MED12L: variants seen among roughly 807,000 people sequenced by gnomAD.
MED12L encodes mediator of RNA polymerase II transcription subunit 12-like protein.
MED12L carries 60 observed loss-of-function variants against 281.3 expected under a neutral mutation model. That is an observed-to-expected ratio of 0.21 (90% CI 0.17 to 0.26). The LOEUF (loss-of-function observed/expected upper bound fraction) is 0.26. Among genes scored for constraint, MED12L ranks in the 10% least tolerant of loss-of-function variants. The probability of loss-of-function intolerance (pLI) is 1.00; values close to 1 mark genes in which losing one functional copy is unlikely to be tolerated. For synonymous variants in MED12L, 974 were observed against 987.2 expected (o/e 0.99, Z 0.25); for missense variants, 2,146 against 2,680.9 (o/e 0.80, Z 4.41).
At chr3:151,386,173 C>T (rs1413256790) in intron 36 of MED12L, among the ~76,000 whole-genome samples, 1 of 152,080 alleles carries the variant, frequency 6.6e-6, no homozygotes, top group East Asian at 1.9e-4. Context: ...TTAGAGTAGC[C>T]TGAGAATCTA....
At chr3:151,422,276 A>T (rs1718336093) in intron 43 of MED12L, among the ~76,000 whole-genome samples, 1 of 152,200 alleles carries the variant, frequency 6.6e-6, no homozygotes, top group Non-Finnish European at 1.5e-5. Flanking sequence ...TCCCTAACAA[A>T]GTACGCAAAC....
At chr3:151,293,134 T>G (rs1313237397) in intron 16 of MED12L, among the ~76,000 whole-genome samples, 1 of 152,184 alleles carries the variant, frequency 6.6e-6, no homozygotes, top group Non-Finnish European at 1.5e-5. Flanking sequence ...CACTAGACAC[T>G]TAGAGTAAGA....
At chr3:151,389,609 A>T (rs1713917539) in intron 37 of MED12L, among the ~76,000 whole-genome samples, 1 of 152,166 alleles carries the variant, frequency 6.6e-6, no homozygotes, top group Non-Finnish European at 1.5e-5. Flanking sequence ...CAGACCCAAG[A>T]TATTGGAAAG....
At chr3:151,389,954 CT>C (rs752165790) in intron 37 of MED12L, 24 bp from the exon 38 acceptor site, 3 of 1,612,150 alleles carry the variant, frequency 1.9e-6, no homozygotes, top group Non-Finnish European at 1.7e-6. Flanking sequence ...AGTTACGTAA[CT>C]TTTTAAAAAA....
chr3:151,134,271 G>A (rs529508380), intron 5 of MED12L, among the ~76,000 whole-genome samples: 9 of 150,462 alleles, frequency 6.0e-5, no homozygotes, highest in Admixed American at 2.7e-4. Context: ...CTTCTGTTGT[G>A]CAGTGATACA....
At chr3:151,336,209 TA>T (rs1265899860) in intron 16 of MED12L, among the ~76,000 whole-genome samples, 1 of 152,240 alleles carries the variant, frequency 6.6e-6, no homozygotes, top group Non-Finnish European at 1.5e-5. Flanking sequence ...GAGTGAACTG[TA>T]CTAGTCTACA....
At chr3:151,175,437 C>G (rs1467322913) in intron 11 of MED12L, among the ~76,000 whole-genome samples, 2 of 152,268 alleles carry the variant, frequency 1.3e-5, no homozygotes, top group East Asian at 1.9e-4. Context: ...CGTTTCAACT[C>G]TTTTTAGTTA....
At chr3:151,232,032 GGGTCCT>G (rs1197245170) in intron 16 of MED12L, among the ~76,000 whole-genome samples, 1 of 151,998 alleles carries the variant, frequency 6.6e-6, no homozygotes, top group East Asian at 1.9e-4. Flanking sequence ...TTTGAGGGAA[GGGTCCT>G]GTGCTCCGTG....
intron 16 of MED12L, among the ~76,000 whole-genome samples, chr3:151,256,963 T>C (rs992988614): frequency 6.6e-6 from 1 of 152,096 alleles, no homozygotes; most frequent in African/African-American, 2.4e-5. Context: ...AGTCCACATA[T>C]GAAGTATGTA....
Position 151,328,862 on chromosome 3 carries a change from G to A in MED12L, c.2251-21197G>A, listed in dbSNP as rs1750009887. 3 of 1,613,918 alleles carry A rather than the reference G, an allele frequency of 1.9e-6. No homozygotes were observed. Among genetic ancestry groups the A allele is most frequent in the Non-Finnish European group, 2.5e-6 (3 of 1,179,948 alleles). On this transcript the variant is annotated intron_variant, in intron 16 of 44. Transcript: ENST00000687756. ...GGGGATGTGAACAAACACCCACAGA[G>A]CCAAAGTATTCAGCAGGATGCCGGT...
chr3:151,272,017 A>G (rs1012257920), intron 16 of MED12L, among the ~76,000 whole-genome samples: 4 of 152,200 alleles, frequency 2.6e-5, no homozygotes, highest in African/African-American at 9.7e-5. Context: ...AAATTAGGGG[A>G]AAAAGTCAAA....
At chr3:151,120,113 T>C (rs1355719824) in intron 3 of MED12L, among the ~76,000 whole-genome samples, 2 of 150,156 alleles carry the variant, frequency 1.3e-5, no homozygotes, top group Admixed American at 6.6e-5. Flanking sequence ...TAATCCCAGC[T>C]ACTCTGAGAG....
chr3:151,115,375 G>GTC (rs1325851708), intron 2 of MED12L, among the ~76,000 whole-genome samples: 1 of 103,500 alleles, frequency 9.7e-6, no homozygotes, highest in Non-Finnish European at 1.8e-5. Flanking sequence ...TTGAGATGGA[G>GTC]TCTCACTCTG....
chr3:151,286,548 A>G (rs1183667219), intron 16 of MED12L, among the ~76,000 whole-genome samples: 3 of 152,196 alleles, frequency 2.0e-5, no homozygotes, highest in Non-Finnish European at 4.4e-5. Context: ...TCCAGCATCC[A>G]GGGGTTCACA....
intron 4 of MED12L, among the ~76,000 whole-genome samples, chr3:151,127,376 A>G (rs1034282574): frequency 6.6e-6 from 1 of 152,216 alleles, no homozygotes; most frequent in Non-Finnish European, 1.5e-5. Flanking sequence ...TTAATCAGAA[A>G]GCTTTGTACA....
chr3:151,341,523 T>C (rs1477908683), intron 16 of MED12L, among the ~76,000 whole-genome samples: 5 of 151,954 alleles, frequency 3.3e-5, no homozygotes, highest in African/African-American at 7.3e-5. Context: ...GCAAAAAATA[T>C]GTTAGGGGTG....
rs1486760260 is a variant in MED12L at position 151,394,758 on chromosome 3, C to T, written c.5711C>T (p.Pro1904Leu). The T allele has an allele frequency of 5.0e-6, 8 of 1,614,260 alleles. No homozygotes were observed. Among genetic ancestry groups the T allele is most frequent in the South Asian group, 1.1e-5 (1 of 91,088 alleles). ...CGCTCAGGCGCCATGATGCAGCCGC[C>T]TTCTCTTCATGCAATCACATCGCAG... is the stretch of plus-strand genomic sequence containing the variant. Reference protein sequence around the residue: ...QRRSGAMMQPPSLHAITSQQQ... With the variant: ...QRRSGAMMQPLSLHAITSQQQ... Residue 1904 changes from proline to leucine, a missense_variant, in exon 39 of 45, where the codon CCT becomes CTT. Pro to Leu is a moderately conservative substitution (Grantham distance 98, BLOSUM62 -3). This residue lies in a region of MED12L where 496 missense variants were observed against 512.0 expected (regional missense o/e 0.97). Transcript: ENST00000687756.
At chr3:151,416,553 A>C (rs1242378747) in intron 43 of MED12L, 131 bp downstream of exon 43, 1 of 839,372 alleles carries the variant, frequency 1.2e-6, no homozygotes, top group Non-Finnish European at 1.9e-6. Flanking sequence ...CTAGAACTTT[A>C]CTAGAGTTTT....
At chr3:151,324,734 C>T (rs1053401992) in intron 16 of MED12L, among the ~76,000 whole-genome samples, 1 of 152,190 alleles carries the variant, frequency 6.6e-6, no homozygotes, top group Non-Finnish European at 1.5e-5. Flanking sequence ...GAGAATCTCT[C>T]CAGCCGATTC....
Sources: allele counts gnomAD v4.1 joint callset (sites outside exome capture counted in the v4.1 genomes callset), GRCh38; gene constraint gnomAD v4.1.1; regional missense constraint gnomAD v4.1.1; transcripts MANE v1.5; gene names NCBI Gene and HGNC (gene_info 2026-07-23, HGNC 2026-07-21).